The following CSTPP1 variants were observed in gnomAD, a reference collection of about 807,000 sequenced individuals.
CSTPP1 encodes the protein UPF0705 protein C11orf49.
chr11:47,038,520 T>A, the CSTPP1 span, among the ~76,000 whole-genome samples: 1 of 80,640 alleles, frequency 1.2e-5, no homozygotes, highest in Admixed American at 1.3e-4. Context: ...CACTTCCCAG[T>A]AGGGGCGGCC....
At chr11:47,153,215 CCACTTGGCCTTTGGCACTG>C in the CSTPP1 span, among the ~76,000 whole-genome samples, 1 of 152,180 alleles carries the variant, frequency 6.6e-6, no homozygotes, top group Admixed American at 6.5e-5. Context: ...GATGGGGTAA[CCACTTGGCCTTTGGCACTG>C]CACTTAGTCC....
At chr11:47,163,542 G>A in the CSTPP1 span, among the ~76,000 whole-genome samples, 1 of 152,262 alleles carries the variant, frequency 6.6e-6, no homozygotes, top group East Asian at 1.9e-4. Flanking sequence ...AAGAGAAAGG[G>A]GTGGCCAAGC....
chr11:46,986,399 A>T, the CSTPP1 span, among the ~76,000 whole-genome samples: 12,872 of 150,564 alleles, frequency 0.085, 1,826 homozygotes, highest in African/African-American at 0.3. Flanking sequence ...GAAAATTTTC[A>T]TGGTCCTTAA....
At chr11:47,037,862 C>T in the CSTPP1 span, among the ~76,000 whole-genome samples, 1 of 128,056 alleles carries the variant, frequency 7.8e-6, no homozygotes, top group African/African-American at 2.5e-5. Context: ...TCCACAAAAC[C>T]GCCATTGTCA....
the CSTPP1 span, among the ~76,000 whole-genome samples, chr11:47,129,616 C>A: frequency 6.6e-6 from 1 of 152,108 alleles, no homozygotes; most frequent in Non-Finnish European, 1.5e-5. Context: ...CCCAAGGGTT[C>A]GACACAGTAT....
At chr11:46,963,037 T>C in the CSTPP1 span, among the ~76,000 whole-genome samples, 1 of 152,242 alleles carries the variant, frequency 6.6e-6, no homozygotes, top group Non-Finnish European at 1.5e-5. Flanking sequence ...CTTAGGATTT[T>C]TTATACCAGA....
At chr11:47,150,009 G>A in the CSTPP1 span, among the ~76,000 whole-genome samples, 4 of 152,056 alleles carry the variant, frequency 2.6e-5, no homozygotes, top group Admixed American at 1.3e-4. Context: ...CCAAGAGGCA[G>A]TCCTTTGAGA....
chr11:47,059,162 G>A, the CSTPP1 span, among the ~76,000 whole-genome samples: 5 of 152,140 alleles, frequency 3.3e-5, no homozygotes, highest in Admixed American at 6.5e-5. Context: ...ATGGACACAG[G>A]GAGGAGAACA....
the CSTPP1 span, among the ~76,000 whole-genome samples, chr11:46,992,638 T>C: frequency 1.3e-5 from 2 of 152,142 alleles, no homozygotes; most frequent in African/African-American, 2.4e-5. Context: ...AGTCTATCAT[T>C]GATGGACATT....
chr11:47,080,824 C>G, the CSTPP1 span, among the ~76,000 whole-genome samples: 1 of 151,928 alleles, frequency 6.6e-6, no homozygotes, highest in Non-Finnish European at 1.5e-5. Flanking sequence ...GCCTGGGAAA[C>G]ATGGTGAAAC....
chr11:47,139,787 G>A, the CSTPP1 span, among the ~76,000 whole-genome samples: 3 of 152,264 alleles, frequency 2.0e-5, no homozygotes, highest in African/African-American at 7.2e-5. Context: ...AATGTTGTGC[G>A]AATATACTGA....
chr11:47,005,741 T>C, the CSTPP1 span, among the ~76,000 whole-genome samples: 2 of 152,184 alleles, frequency 1.3e-5, no homozygotes, highest in Non-Finnish European at 2.9e-5. Context: ...GCTTACCTCA[T>C]CTATAAAATA....
At chr11:47,152,944 G>A in the CSTPP1 span, among the ~76,000 whole-genome samples, 1 of 152,276 alleles carries the variant, frequency 6.6e-6, no homozygotes, top group East Asian at 1.9e-4. Context: ...AAAGTCAGTG[G>A]CTTCTCATGT....
At chr11:46,960,095 A>G in the CSTPP1 span, among the ~76,000 whole-genome samples, 129,512 of 152,170 alleles carry the variant, frequency 0.85, 56,246 homozygotes, top group African/African-American at 0.97. Context: ...TCGAACACCC[A>G]ACTTCAGGCA....
the CSTPP1 span, among the ~76,000 whole-genome samples, chr11:46,996,868 T>C: frequency 3.3e-5 from 5 of 152,228 alleles, no homozygotes; most frequent in Non-Finnish European, 7.3e-5. Context: ...TCTTTAAGAA[T>C]GTTGAATATT....
At chr11:47,100,331 T>A in the CSTPP1 span, among the ~76,000 whole-genome samples, 5 of 152,346 alleles carry the variant, frequency 3.3e-5, 1 homozygote, top group East Asian at 7.7e-4. Context: ...CCCCTTAATA[T>A]GTTTAGATTG....
the CSTPP1 span, among the ~76,000 whole-genome samples, chr11:47,059,886 T>A: frequency 6.6e-6 from 1 of 152,218 alleles, no homozygotes; most frequent in African/African-American, 2.4e-5. Flanking sequence ...AGGTGGATCC[T>A]TGAGGTCAGA....
the CSTPP1 span, among the ~76,000 whole-genome samples, chr11:47,067,252 ACT>A: frequency 1.5e-3 from 225 of 152,302 alleles, no homozygotes; most frequent in African/African-American, 5.0e-3. Context: ...ATGAGTAATC[ACT>A]CTGGAGAAAT....
At chr11:46,990,769 A>G in the CSTPP1 span, among the ~76,000 whole-genome samples, 2 of 152,208 alleles carry the variant, frequency 1.3e-5, no homozygotes, top group Non-Finnish European at 2.9e-5. Flanking sequence ...GAGATCTTAC[A>G]TTTAAATCTT....
Sources: gnomAD v4.1 joint callset for allele counts (sites outside exome capture counted in the v4.1 genomes callset) on GRCh38, gnomAD v4.1.1 for gene constraint, MANE v1.5 for transcripts, NCBI Gene and HGNC (gene_info 2026-07-23, HGNC 2026-07-21) for gene names.